Variants in MSRA observed in about 807,000 individuals in gnomAD.
MSRA encodes the protein methionine sulfoxide reductase A.
Under a neutral mutation model 31.3 loss-of-function variants are expected in MSRA, and 54 were observed. That is an observed-to-expected ratio of 1.73 (90% CI 1.39 to 2.17). MSRA has a LOEUF of 2.17. Ranked by LOEUF, MSRA falls within the 30% of genes most tolerant of loss-of-function variation. The pLI is 0.00. For synonymous variants in MSRA, 169 were observed against 116.5 expected (o/e 1.45, Z -2.90); for missense variants, 507 against 300.9 (o/e 1.69, Z -5.07).
intron 2 of MSRA, among the ~76,000 whole-genome samples, chr8:10,242,940 C>T (rs984119492): frequency 6.6e-6 from 1 of 152,184 alleles, no homozygotes; most frequent in Non-Finnish European, 1.5e-5. Flanking sequence ...CCCTTGCCCA[C>T]CTGCATCCTG....
chr8:10,309,693 G>A (rs895943605), intron 4 of MSRA, among the ~76,000 whole-genome samples: 5 of 152,186 alleles, frequency 3.3e-5, no homozygotes, highest in African/African-American at 1.2e-4. Flanking sequence ...GCCTTACCGT[G>A]AGCTGGGGAT....
chr8:10,175,829 A>G (rs1905631), intron 1 of MSRA, among the ~76,000 whole-genome samples: 80,153 of 151,810 alleles, frequency 0.53, 22,263 homozygotes, highest in African/African-American at 0.72. Context: ...GGTAGCCACA[A>G]CTCTATTCGC....
At chr8:10,288,732 T>G (rs1800070336) in intron 3 of MSRA, among the ~76,000 whole-genome samples, 1 of 152,196 alleles carries the variant, frequency 6.6e-6, no homozygotes, top group South Asian at 2.1e-4. Context: ...AATAGTTTAG[T>G]TAGAGCCATG....
chr8:10,338,022 G>A (rs1240967887), intron 5 of MSRA, among the ~76,000 whole-genome samples: 1 of 152,124 alleles, frequency 6.6e-6, no homozygotes, highest in Non-Finnish European at 1.5e-5. Context: ...AACCTAAGGG[G>A]TGATCAAAGA....
At chr8:10,290,701 C>T (rs891509599) in intron 3 of MSRA, among the ~76,000 whole-genome samples, 3 of 152,286 alleles carry the variant, frequency 2.0e-5, no homozygotes, top group African/African-American at 7.2e-5. Context: ...GTGTAGCCCA[C>T]TGACAACAAG....
intron 5 of MSRA, among the ~76,000 whole-genome samples, chr8:10,323,108 A>AG (rs1554526479): frequency 6.7e-6 from 1 of 148,162 alleles, no homozygotes; most frequent in Non-Finnish European, 1.5e-5. Context: ...AAAAAAAAAA[A>AG]TGCAGAAGAG....
chr8:10,114,981 A>C (rs181826403), intron 1 of MSRA, among the ~76,000 whole-genome samples: 10 of 152,360 alleles, frequency 6.6e-5, no homozygotes, highest in Admixed American at 3.9e-4. Context: ...TATTTACCAG[A>C]TATTAAAACA....
chr8:10,402,383 T>A (rs1298961733), intron 5 of MSRA, among the ~76,000 whole-genome samples: 2 of 152,216 alleles, frequency 1.3e-5, no homozygotes, highest in Non-Finnish European at 2.9e-5. Flanking sequence ...ATGTGGTTCT[T>A]CCTCGACAGC....
chr8:10,227,770 C>G (rs1258080286), intron 2 of MSRA, among the ~76,000 whole-genome samples: 2 of 152,118 alleles, frequency 1.3e-5, no homozygotes, highest in Admixed American at 6.5e-5. Context: ...CCATCAAATA[C>G]TGAAAATATC....
intron 1 of MSRA, among the ~76,000 whole-genome samples, chr8:10,109,105 T>G (rs1428609797): frequency 6.6e-6 from 1 of 152,184 alleles, no homozygotes; most frequent in Non-Finnish European, 1.5e-5. Flanking sequence ...TTCTTCCTCT[T>G]GGCATTAAAA....
intron 5 of MSRA, among the ~76,000 whole-genome samples, chr8:10,426,028 A>C (rs1412118424): frequency 2.0e-5 from 3 of 152,002 alleles, no homozygotes; most frequent in Non-Finnish European, 2.9e-5. Flanking sequence ...AGAATATTCC[A>C]TTTCCACAGC....
At chr8:10,277,744 T>G (rs1799399693) in intron 3 of MSRA, among the ~76,000 whole-genome samples, 1 of 152,198 alleles carries the variant, frequency 6.6e-6, no homozygotes, top group Non-Finnish European at 1.5e-5. Context: ...GGCTACTTAT[T>G]AGCTTATAAT....
chr8:10,243,043 G>C (rs1797419686), intron 2 of MSRA, among the ~76,000 whole-genome samples: 1 of 152,142 alleles, frequency 6.6e-6, no homozygotes, highest in Non-Finnish European at 1.5e-5. Context: ...CTAATGTTTT[G>C]CTTGGTTTGG....
At position 10,348,203 on chromosome 8, in the gene MSRA, G is replaced by T. The variant is rs574527338; in HGVS notation, c.543+28214G>T. On this transcript the variant is annotated intron_variant, in intron 5 of 5. Transcript: ENST00000317173. ...GCATAATTGTGTGTCTGAACCATCA[G>T]TGTTTACTCAGCCCTTCCTTTTGTA... is the stretch of plus-strand genomic sequence containing the variant. 9.9e-5 allele frequency among the ~76,000 whole-genome samples: 15 copies of T among 152,180 alleles called. No individual in the cohort carries two copies. The South Asian group carries it at 2.9e-3, about 29-fold the overall frequency.
intron 1 of MSRA, among the ~76,000 whole-genome samples, chr8:10,076,946 T>G (rs1230064522): frequency 1.3e-5 from 2 of 151,394 alleles, no homozygotes; most frequent in Non-Finnish European, 2.9e-5. Context: ...CCTGCTGGGC[T>G]TAATACGTAG....
intron 1 of MSRA, among the ~76,000 whole-genome samples, chr8:10,071,868 C>G (rs1375914052): frequency 6.6e-6 from 1 of 152,078 alleles, no homozygotes; most frequent in African/African-American, 2.4e-5. Context: ...CGAGAGTCTC[C>G]AAGGAAAACA....
chr8:10,175,133 A>C (rs28380058), intron 1 of MSRA, among the ~76,000 whole-genome samples: 61,048 of 151,688 alleles, frequency 0.4, 12,372 homozygotes, highest in East Asian at 0.51. Context: ...CTCCTCTACT[A>C]TGGCCGTCCC....
At chr8:10,095,429 C>T in intron 1 of MSRA, 1 of 977,774 alleles carries the variant, frequency 1.0e-6, no homozygotes, top group Non-Finnish European at 1.2e-6. Context: ...ACCACGGTTT[C>T]CTGTTTTCAA....
At chr8:10,096,141 G>A (rs1332738884) in intron 1 of MSRA, 3 of 1,243,300 alleles carry the variant, frequency 2.4e-6, no homozygotes, top group East Asian at 2.9e-5. Context: ...CAGCCAGGAA[G>A]TCAGAGTAAA....
Sources: allele counts gnomAD v4.1 joint callset (sites outside exome capture counted in the v4.1 genomes callset), GRCh38; gene constraint gnomAD v4.1.1; transcripts MANE v1.5; gene names NCBI Gene and HGNC (gene_info 2026-07-23, HGNC 2026-07-21).